Variants in PLSCR2 observed in about 807,000 individuals in gnomAD.
PLSCR2 encodes phospholipid scramblase 2, also known as PL scramblase 2.
Under a neutral mutation model 25.3 loss-of-function variants are expected in PLSCR2, and 18 were observed. That is an observed-to-expected ratio of 0.71 (90% CI 0.49 to 1.06). The LOEUF (loss-of-function observed/expected upper bound fraction) is 1.06. Ranked by LOEUF, PLSCR2 falls within the 50% of genes least tolerant of loss-of-function variation. The pLI, the probability that PLSCR2 is intolerant of heterozygous loss-of-function variation, is 0.00. For synonymous variants in PLSCR2, 88 were observed against 87.3 expected, an observed-to-expected ratio of 1.01 and a Z score of -0.04; for missense variants, 243 against 269.5, an observed-to-expected ratio of 0.90 and a Z score of 0.69.
chr3:146,432,775 A>G (rs190431021), downstream of PLSCR2, among the ~76,000 whole-genome samples: 1 of 152,322 alleles, frequency 6.6e-6, no homozygotes, highest in African/African-American at 2.4e-5. Context: ...AGCCACAGAA[A>G]CTATTCTATT....
At chr3:146,394,762 T>C (rs1220650014) in intron 3 of PLSCR2, among the ~76,000 whole-genome samples, 2 of 152,250 alleles carry the variant, frequency 1.3e-5, no homozygotes, top group Admixed American at 1.3e-4. Flanking sequence ...ACCCAAATCT[T>C]AACTTGAATT....
chr3:146,414,017 GGC>G (rs2038933475), intron 2 of PLSCR2, among the ~76,000 whole-genome samples: 2 of 150,588 alleles, frequency 1.3e-5, no homozygotes, highest in African/African-American at 2.4e-5. Context: ...TGGAAGGTGG[GGC>G]TGGCACCTTG....
chr3:146,417,236 G>T (rs2039027121), intron 2 of PLSCR2, among the ~76,000 whole-genome samples: 1 of 152,042 alleles, frequency 6.6e-6, no homozygotes, highest in Non-Finnish European at 1.5e-5. Flanking sequence ...TTAAGAGGAG[G>T]ATTCTAACAG....
exon 2 of PLSCR2, chr3:146,460,065 A>C (rs1440373434): frequency 1.3e-6 from 2 of 1,558,734 alleles, no homozygotes; most frequent in East Asian, 4.8e-5. Flanking sequence ...CTTAGGGTAG[A>C]CAATATGTCC....
intron 2 of PLSCR2, among the ~76,000 whole-genome samples, chr3:146,423,282 T>TCTTTCTCC (rs758576585): frequency 9.9e-6 from 1 of 100,962 alleles, no homozygotes; most frequent in Admixed American, 1.2e-4. Flanking sequence ...TCTCTCTCTC[T>TCTTTCTCC]CCCTGGCTAG....
chr3:146,447,807 ATTTAGAAC>A, intron 6 of PLSCR2, among the ~76,000 whole-genome samples: 1 of 152,234 alleles, frequency 6.6e-6, no homozygotes, highest in East Asian at 1.9e-4. Flanking sequence ...TTTCAAGTTT[ATTTAGAAC>A]CCCAGAGCAC....
chr3:146,392,355 A>G (rs1242642500), intron 3 of PLSCR2, among the ~76,000 whole-genome samples: 1 of 152,128 alleles, frequency 6.6e-6, no homozygotes, highest in Non-Finnish European at 1.5e-5. Context: ...AGCATACATC[A>G]TTAGAAATAA....
chr3:146,445,511 G>A (rs1202936924), intron 6 of PLSCR2, among the ~76,000 whole-genome samples: 1 of 152,016 alleles, frequency 6.6e-6, no homozygotes, highest in Non-Finnish European at 1.5e-5. Context: ...GAAGTCTGCT[G>A]CCAGATGTAT....
At chr3:146,446,293 T>G (rs547789107) in intron 6 of PLSCR2, among the ~76,000 whole-genome samples, 2 of 152,280 alleles carry the variant, frequency 1.3e-5, no homozygotes, top group East Asian at 3.9e-4. Context: ...CTGTCCTTCT[T>G]GGGAAGGCTT....
intron 2 of PLSCR2, among the ~76,000 whole-genome samples, chr3:146,417,408 T>C (rs1178476097): frequency 9.2e-6 from 1 of 108,260 alleles, no homozygotes. Context: ...AGAAGAAACA[T>C]ACTTTGAAAA....
intron 2 of PLSCR2, among the ~76,000 whole-genome samples, chr3:146,417,261 T>C (rs2039027671): frequency 6.6e-6 from 1 of 152,132 alleles, no homozygotes; most frequent in Non-Finnish European, 1.5e-5. Context: ...TACAAATACA[T>C]TGAAAATATT....
chr3:146,490,689 C>T (rs764796282), intron 1 of PLSCR2, among the ~76,000 whole-genome samples: 1 of 151,920 alleles, frequency 6.6e-6, no homozygotes. Context: ...TTTCGTTTTC[C>T]ATTTGCTTAA....
rs149568570 is a variant in PLSCR2 at position 146,484,818 on chromosome 3, A to C, written c.-293+11077T>G. Among the ~76,000 whole-genome samples the C allele has an allele frequency of 3.3e-5, 5 of 152,262 alleles. No individual in the cohort carries two copies. The East Asian group carries it at 9.7e-4, about 29-fold the overall frequency. On this transcript the variant is annotated intron_variant, in intron 1 of 8. Transcript: ENST00000336685. ...CTAAATATGACATGGAAAAACTGGT[A>C]TTAGCTACTGCAAAGACACACCAAA... is the stretch of plus-strand genomic sequence containing the variant.
intron 2 of PLSCR2, among the ~76,000 whole-genome samples, chr3:146,414,674 G>A (rs886555290): frequency 4.0e-5 from 6 of 151,894 alleles, no homozygotes; most frequent in Non-Finnish European, 7.4e-5. Context: ...ATACTAAGTC[G>A]AGATAAAGGT....
intron 2 of PLSCR2, among the ~76,000 whole-genome samples, chr3:146,400,850 T>C (rs1413915246): frequency 1.3e-5 from 2 of 151,918 alleles, no homozygotes; most frequent in East Asian, 3.8e-4. Flanking sequence ...TCTAGAAATA[T>C]GTAAACATAT....
chr3:146,493,392 T>C (rs2043623132), intron 1 of PLSCR2, among the ~76,000 whole-genome samples: 1 of 152,074 alleles, frequency 6.6e-6, no homozygotes, highest in African/African-American at 2.4e-5. Context: ...CAACAAAATA[T>C]GCAAACCAAA....
chr3:146,397,226 G>C (rs1424582886), intron 2 of PLSCR2, among the ~76,000 whole-genome samples: 3 of 151,970 alleles, frequency 2.0e-5, no homozygotes, highest in African/African-American at 7.2e-5. Flanking sequence ...ACAGGATTAG[G>C]GTATTGCAGA....
chr3:146,480,650 A>T (rs1014891622), intron 1 of PLSCR2, among the ~76,000 whole-genome samples: 85 of 151,436 alleles, frequency 5.6e-4, no homozygotes, highest in Non-Finnish European at 4.4e-5. Flanking sequence ...AATTCTACCG[A>T]GGTACAAAGA....
At position 146,442,229 on chromosome 3, in the gene PLSCR2, C is replaced by T. The variant is rs191323320; in HGVS notation, c.646-408G>A. 4.1e-4 allele frequency among the ~76,000 whole-genome samples: 62 copies of T among 151,964 alleles called. No individual in the cohort carries two copies. The East Asian group carries it at 8.1e-3, about 20-fold the overall frequency. Reference sequence around the variant, plus strand: ...AAAACAATTCCATTTACAGCAGCATCGAAAAATATTAAATACTAAGGAATA... The same window carrying T: ...AAAACAATTCCATTTACAGCAGCATTGAAAAATATTAAATACTAAGGAATA... On this transcript the variant is annotated intron_variant, in intron 6 of 6. Coordinates refer to ENST00000610787, the Ensembl canonical transcript of PLSCR2.
Sources: allele counts gnomAD v4.1 joint callset (sites outside exome capture counted in the v4.1 genomes callset), GRCh38; gene constraint gnomAD v4.1.1; transcripts MANE v1.5; gene names NCBI Gene and HGNC (gene_info 2026-07-23, HGNC 2026-07-21).